The following SYNJ1 variants were observed in gnomAD, a reference collection of about 807,000 sequenced individuals.
The protein encoded by SYNJ1 is synaptojanin 1.
A neutral mutation model predicts 168.2 loss-of-function variants in SYNJ1; 78 were observed. That is an observed-to-expected ratio of 0.46 (90% CI 0.39 to 0.56). The LOEUF is 0.56. Ranked by LOEUF, SYNJ1 falls within the 20% of genes least tolerant of loss-of-function variation. The pLI is 0.00. For missense variants in SYNJ1, 1,303 were observed against 1,597.6 expected, an observed-to-expected ratio of 0.82 and a Z score of 3.14; for synonymous variants, 539 against 548.6, an observed-to-expected ratio of 0.98 and a Z score of 0.24.
chr21:32,694,917 G>A, intron 5 of SYNJ1, 140 bp downstream of exon 5: 4 of 910,004 alleles, frequency 4.4e-6, no homozygotes, highest in Non-Finnish European at 6.3e-6. Flanking sequence ...TTTTTTTAAG[G>A]CCCATAAGTA....
At chr21:32,720,190 G>T (rs1601540213) in intron 2 of SYNJ1, among the ~76,000 whole-genome samples, 1 of 152,176 alleles carries the variant, frequency 6.6e-6, no homozygotes. Flanking sequence ...AGTGAGCCGA[G>T]ATCGCACCAT....
At chr21:32,634,973 G>A (rs2145684821) in intron 31 of SYNJ1, 89 bp from the exon 32 acceptor site, 1 of 1,388,372 alleles carries the variant, frequency 7.2e-7, no homozygotes, top group Admixed American at 1.7e-5. Context: ...TCAACAAAAT[G>A]CTTTCTAAGT....
intron 23 of SYNJ1, among the ~76,000 whole-genome samples, chr21:32,649,322 A>G (rs1266039641): frequency 1.3e-5 from 2 of 152,240 alleles, no homozygotes; most frequent in Non-Finnish European, 2.9e-5. Flanking sequence ...TAACCTTGTA[A>G]GACGTTCAAC....
chr21:32,665,211 G>C, intron 17 of SYNJ1, 140 bp from the exon 18 acceptor site: 1 of 854,948 alleles, frequency 1.2e-6, no homozygotes, highest in Non-Finnish European at 1.7e-6. Flanking sequence ...CATGTGAAAC[G>C]AAAATAAATC....
At chr21:32,715,657 T>C (rs1168148923) in intron 2 of SYNJ1, among the ~76,000 whole-genome samples, 1 of 152,144 alleles carries the variant, frequency 6.6e-6, no homozygotes, top group African/African-American at 2.4e-5. Flanking sequence ...TGCTAAGAGC[T>C]AGTTATATAA....
chr21:32,701,126 A>T (rs2042384685), intron 3 of SYNJ1, among the ~76,000 whole-genome samples: 1 of 152,220 alleles, frequency 6.6e-6, no homozygotes, highest in Non-Finnish European at 1.5e-5. Context: ...CAAATACCTC[A>T]TTATACTGTG....
chr21:32,699,262 T>C (rs1476589013), intron 4 of SYNJ1, among the ~76,000 whole-genome samples: 1 of 152,206 alleles, frequency 6.6e-6, no homozygotes, highest in Non-Finnish European at 1.5e-5. Context: ...ACATTCTGCA[T>C]TGTGATCTTC....
intron 2 of SYNJ1, among the ~76,000 whole-genome samples, chr21:32,714,838 T>C (rs966050685): frequency 2.6e-5 from 4 of 152,236 alleles, no homozygotes; most frequent in Admixed American, 6.5e-5. Flanking sequence ...AACAGTCATT[T>C]TTGGTTCAGG....
chr21:32,639,080 G>C lies in SYNJ1; in HGVS notation c.3743C>G (p.Pro1248Arg), dbSNP rs760251115. 22 of 1,614,020 alleles carry C rather than the reference G, an allele frequency of 1.4e-5. No individual in the cohort carries two copies. Among genetic ancestry groups the C allele is most frequent in the Non-Finnish European group, 1.7e-5 (20 of 1,179,924 alleles). Residue 1248 changes from proline to arginine, a missense_variant, in exon 31 of 33, where the codon CCT (proline) becomes CGT (arginine). Around this residue, in one of 2 missense-constraint regions of SYNJ1, gnomAD observed 383 missense variants for 388.8 expected, o/e 0.99. Coordinates refer to ENST00000674351, the MANE Select transcript of SYNJ1 (RefSeq NM_203446.3). ...AGGCGGGGGCAAAGAAGACTGCGGA[G>C]GAAAAGCAGCCTGAGGCTTCAGTGG... ...PEPLKPQAAFPPQSSLPPPAQ... is the reference protein window; with the variant it reads ...PEPLKPQAAFRPQSSLPPPAQ...
chr21:32,668,596 C>T (rs1026149603), intron 15 of SYNJ1, among the ~76,000 whole-genome samples: 1 of 152,132 alleles, frequency 6.6e-6, no homozygotes, highest in East Asian at 1.9e-4. Flanking sequence ...ATATTTGTCA[C>T]TTGCAAGATT....
intron 32 of SYNJ1, among the ~76,000 whole-genome samples, chr21:32,633,336 T>A (rs984396145): frequency 6.6e-6 from 1 of 151,964 alleles, no homozygotes; most frequent in Non-Finnish European, 1.5e-5. Context: ...GTGGTTGGAG[T>A]GGAGCACAGC....
chr21:32,673,610 T>A (rs1601377283), intron 13 of SYNJ1, 79 bp from the exon 14 acceptor site: 2 of 1,263,168 alleles, frequency 1.6e-6, no homozygotes, highest in South Asian at 1.7e-5. Flanking sequence ...TGAGATACGA[T>A]GTCCGCTGGA....
intron 3 of SYNJ1, among the ~76,000 whole-genome samples, chr21:32,701,623 A>G (rs548104574): frequency 6.6e-5 from 10 of 151,438 alleles, no homozygotes; most frequent in South Asian, 2.1e-4. Flanking sequence ...AAGAAAAATC[A>G]GTGTAGTTCT....
At chr21:32,657,444 T>C (rs1234340853) in intron 19 of SYNJ1, among the ~76,000 whole-genome samples, 4 of 152,238 alleles carry the variant, frequency 2.6e-5, no homozygotes, top group Non-Finnish European at 5.9e-5. Flanking sequence ...AAAGTTAGCT[T>C]AAAAACCTAA....
intron 2 of SYNJ1, among the ~76,000 whole-genome samples, chr21:32,722,178 T>TC (rs2043249178): frequency 8.8e-6 from 1 of 113,376 alleles, no homozygotes; most frequent in Non-Finnish European, 1.7e-5. Context: ...AGAATGAAAC[T>TC]CCATCTCAAA....
chr21:32,695,698 T>C (rs570195834), intron 4 of SYNJ1, among the ~76,000 whole-genome samples: 33 of 151,514 alleles, frequency 2.2e-4, no homozygotes, highest in Admixed American at 2.2e-3. Flanking sequence ...AGTCTCGGAA[T>C]GTTGCCCAGG....
intron 29 of SYNJ1, among the ~76,000 whole-genome samples, chr21:32,640,445 G>A (rs1241768980): frequency 2.6e-5 from 4 of 152,012 alleles, no homozygotes; most frequent in Non-Finnish European, 4.4e-5. Context: ...ACAGGCGCCC[G>A]CCACCACACG....
Position 32,634,170 on chromosome 21 carries a change from T to A in SYNJ1, c.*3+691A>T, listed in dbSNP as rs844984. Reference sequence around the variant, plus strand: ...GTGCTATACATTTAAACACCTTTATTTGCATATATAAGAAAATTTTTATTT... The same window carrying A: ...GTGCTATACATTTAAACACCTTTATATGCATATATAAGAAAATTTTTATTT... On this transcript the variant is annotated intron_variant, in intron 32 of 32. Transcript: ENST00000674351. Among the ~76,000 whole-genome samples, 1,058 of 152,278 alleles carry A rather than the reference T, an allele frequency of 6.9e-3. 10 individuals are homozygous for A. The highest frequency in any genetic ancestry group is 0.025 in the African/African-American group (1,019 of 41,552).
At position 32,630,899 on chromosome 21, in the gene SYNJ1, T is replaced by TAA. The variant is rs767649429; in HGVS notation, c.*905_*906insTT. 114 of 1,209,654 alleles carry TAA rather than the reference T, an allele frequency of 9.4e-5. No homozygotes were observed. Among genetic ancestry groups the TAA allele is most frequent in the Non-Finnish European group, 1.3e-4 (111 of 872,152 alleles). 74.9% of individuals were successfully genotyped at this position (1,209,654 alleles called of 1,614,324 possible). On this transcript the variant is annotated 3_prime_UTR_variant, in exon 33 of 33. Coordinates refer to ENST00000674351, the MANE Select transcript of SYNJ1 (RefSeq NM_203446.3). ...TGTTTTGTGAAGATATCAGTGCACT[T>TAA]ACAATGACTTATTGCACATAATGAA...
Sources: allele counts gnomAD v4.1 joint callset (sites outside exome capture counted in the v4.1 genomes callset), GRCh38; gene constraint gnomAD v4.1.1; regional missense constraint gnomAD v4.1.1; transcripts MANE v1.5; gene names NCBI Gene and HGNC (gene_info 2026-07-23, HGNC 2026-07-21).